The following FARSB variants were observed in gnomAD, a reference collection of about 807,000 sequenced individuals.
FARSB encodes the protein phenylalanine--tRNA ligase beta subunit.
Under a neutral mutation model 69.6 loss-of-function variants are expected in FARSB, and 40 were observed. The observed-to-expected ratio is 0.57, with a 90% CI of 0.45 to 0.75. The LOEUF is 0.75. FARSB is among the 30% of genes least tolerant of loss of function. The probability of loss-of-function intolerance (pLI) is 0.00; values close to 1 mark genes in which losing one functional copy is unlikely to be tolerated. For missense variants in FARSB, 632 were observed against 722.9 expected (o/e 0.87, Z 1.44); for synonymous variants, 235 against 247.2 (o/e 0.95, Z 0.46).
chr2:222,585,523 T>G (rs1335714596), intron 16 of FARSB, among the ~76,000 whole-genome samples: 1 of 152,210 alleles, frequency 6.6e-6, no homozygotes, highest in Non-Finnish European at 1.5e-5. Context: ...GAGAATGACT[T>G]TGACAAGTTG....
intron 16 of FARSB, among the ~76,000 whole-genome samples, chr2:222,587,074 G>A (rs560014187): frequency 4.6e-5 from 7 of 152,108 alleles, no homozygotes; most frequent in East Asian, 1.9e-4. Flanking sequence ...GCACCACATC[G>A]CACTTATTCC....
intron 16 of FARSB, among the ~76,000 whole-genome samples, chr2:222,573,814 T>G (rs1689771033): frequency 6.6e-6 from 1 of 152,184 alleles, no homozygotes; most frequent in Non-Finnish European, 1.5e-5. Context: ...TTTTATGAAC[T>G]TTTATCTTAT....
intron 16 of FARSB, among the ~76,000 whole-genome samples, chr2:222,590,698 CTTG>C (rs1181609248): frequency 6.6e-6 from 1 of 152,018 alleles, no homozygotes; most frequent in Non-Finnish European, 1.5e-5. Flanking sequence ...AGAGATGCAT[CTTG>C]TTGTATTTAC....
At chr2:222,634,122 G>A (rs1691513763) in intron 6 of FARSB, among the ~76,000 whole-genome samples, 1 of 152,166 alleles carries the variant, frequency 6.6e-6, no homozygotes, top group Non-Finnish European at 1.5e-5. Context: ...AGTTTCAATT[G>A]AAGATTACAA....
chr2:222,645,862 T>C (rs1281292837), intron 2 of FARSB, among the ~76,000 whole-genome samples: 2 of 152,068 alleles, frequency 1.3e-5, no homozygotes, highest in Non-Finnish European at 2.9e-5. Context: ...AAATACAGAA[T>C]GGCCAAAACT....
intron 15 of FARSB, among the ~76,000 whole-genome samples, chr2:222,601,742 C>G (rs1196806033): frequency 2.0e-5 from 3 of 152,172 alleles, no homozygotes; most frequent in Non-Finnish European, 4.4e-5. Context: ...AAGTGCACTG[C>G]AGCCTCAACT....
chr2:222,639,450 A>G, intron 5 of FARSB, 130 bp downstream of exon 5: 1 of 446,832 alleles, frequency 2.2e-6, no homozygotes, highest in South Asian at 6.4e-5. Context: ...GCAGAGGAAG[A>G]AAGGAAGGAG....
intron 15 of FARSB, among the ~76,000 whole-genome samples, chr2:222,605,161 T>TTCTCTCTCTCTCTCTC (rs71053093): frequency 0.045 from 5,919 of 132,524 alleles, 236 homozygotes; most frequent in Middle Eastern, 0.059. Flanking sequence ...AATACAAACT[T>TTCTCTCTCTCTCTCTC]TCTCTCTCTC....
intron 5 of FARSB, among the ~76,000 whole-genome samples, chr2:222,635,453 C>T (rs1159881120): frequency 6.6e-6 from 1 of 152,160 alleles, no homozygotes; most frequent in Non-Finnish European, 1.5e-5. Context: ...AAAAGAATTG[C>T]TAACAGGCAA....
rs1316465971 is a variant in FARSB at position 222,630,174 on chromosome 2, C to A, written c.787G>T (p.Ala263Ser). ...ACAATAATATCAAGAACTATTTTTG[C>A]CTGCAAAGAAAAGAAAAACAAATAT... Reference protein sequence around the residue: ...IECTGTDFTKAKIVLDIIVTM... With the variant: ...IECTGTDFTKSKIVLDIIVTM... Residue 263 changes from alanine to serine, a missense_variant and splice_region_variant, in exon 9 of 17, where the codon GCA becomes TCA. Physicochemically the swap from Ala to Ser is moderately conservative, Grantham distance 99. Coordinates refer to ENST00000281828, the MANE Select transcript of FARSB (RefSeq NM_005687.5). The A allele has an allele frequency of 1.3e-6, 2 of 1,499,496 alleles. No individual in the cohort carries two copies. Among genetic ancestry groups the A allele is most frequent in the African/African-American group, 2.9e-5 (2 of 69,478 alleles). The allele number at this position is 1,499,496 out of a possible 1,614,324, so 92.9% of individuals were successfully genotyped here.
At chr2:222,611,794 C>A (rs1468742862) in intron 15 of FARSB, among the ~76,000 whole-genome samples, 2 of 152,160 alleles carry the variant, frequency 1.3e-5, no homozygotes, top group Non-Finnish European at 2.9e-5. Context: ...CTACCCAGGA[C>A]TAAAATACTG....
intron 15 of FARSB, among the ~76,000 whole-genome samples, chr2:222,604,482 G>A (rs1690649645): frequency 6.6e-6 from 1 of 152,074 alleles, no homozygotes; most frequent in Non-Finnish European, 1.5e-5. Context: ...TATTCAAGGC[G>A]CTCTATTCTA....
intron 15 of FARSB, among the ~76,000 whole-genome samples, chr2:222,607,065 T>C (rs1469143698): frequency 2.0e-5 from 3 of 152,246 alleles, no homozygotes; most frequent in South Asian, 2.1e-4. Flanking sequence ...ATAATTTATA[T>C]TGCAAATTTT....
chr2:222,569,583 C>CT lies in FARSB; in HGVS notation c.*2287dup, dbSNP rs1156660364. On this transcript the variant is annotated 3_prime_UTR_variant, in exon 17 of 17. Transcript: ENST00000281828. ...GGTATAACCTACACCTGAAGTACACCTACCACCTCAATTAAGATAAAATTT... is the reference window on the plus strand; with the variant it reads ...GGTATAACCTACACCTGAAGTACACCTTACCACCTCAATTAAGATAAAATTT... The CT allele has an allele frequency of 6.6e-6, 1 of 152,152 alleles. No individual in the cohort carries two copies. Among genetic ancestry groups the CT allele is most frequent in the Non-Finnish European group, 1.5e-5 (1 of 68,046 alleles). 9.4% of individuals were successfully genotyped at this position (152,152 alleles called of 1,614,324 possible).
intron 14 of FARSB, among the ~76,000 whole-genome samples, chr2:222,616,450 G>A (rs762250693): frequency 8.0e-5 from 12 of 149,700 alleles, no homozygotes; most frequent in Non-Finnish European, 1.0e-4. Context: ...GGGAGGCTGA[G>A]GCAGGAGAAT....
Position 222,642,919 on chromosome 2 carries a change from G to A in FARSB, c.201C>T (p.Val67=), listed in dbSNP as rs369160564. The A allele has an allele frequency of 3.1e-6, 5 of 1,612,664 alleles. No homozygotes were observed. In the South Asian group the frequency reaches 4.4e-5, roughly 14 times the overall value. ...ACAGGAGATCATATCTATTGGCAGGGACGTCAATTTTGTAAAGAACAACAT... is the reference window on the plus strand; with the variant it reads ...ACAGGAGATCATATCTATTGGCAGGAACGTCAATTTTGTAAAGAACAACAT... ...ASDVVLYKID[V]PANRYDLLCL... Residue 67 remains valine (V), a synonymous_variant, in exon 3 of 17, where the codon GTC becomes GTT. Transcript: ENST00000281828.
intron 4 of FARSB, among the ~76,000 whole-genome samples, 162 bp downstream of exon 4, chr2:222,640,700 G>A (rs1203432000): frequency 6.6e-6 from 1 of 152,112 alleles, no homozygotes; most frequent in East Asian, 1.9e-4. Context: ...AGGTTGCAGT[G>A]AGCCAAGACT....
In FARSB at chr2:222,634,371, T is replaced by A. The variant is rs754498896; in HGVS notation, c.606+20A>T. On this transcript the variant is annotated intron_variant, in intron 6 of 16. Coordinates refer to ENST00000281828, the MANE Select transcript of FARSB (RefSeq NM_005687.5). ...TCATGATTTTTGCAAAGCTGCTGCA[T>A]AATCAAAAAGAATATTTACCTTGTA... 2.9e-5 allele frequency: 44 copies of A among 1,509,248 alleles called. No individual in the cohort carries two copies. Among genetic ancestry groups the A allele is most frequent in the Non-Finnish European group, 3.9e-5 (44 of 1,120,620 alleles). 93.5% of individuals were successfully genotyped at this position (1,509,248 alleles called of 1,614,324 possible). A position where few individuals can be genotyped will look rare whatever the true frequency, so the allele number is the denominator to read the frequency against.
At chr2:222,610,819 T>C (rs1690829215) in intron 15 of FARSB, among the ~76,000 whole-genome samples, 1 of 152,212 alleles carries the variant, frequency 6.6e-6, no homozygotes, top group African/African-American at 2.4e-5. Context: ...ATTCCCACTG[T>C]ACAGATGAGA....
Sources: gnomAD v4.1 joint callset for allele counts (sites outside exome capture counted in the v4.1 genomes callset) on GRCh38, gnomAD v4.1.1 for gene constraint, MANE v1.5 for transcripts, NCBI Gene and HGNC (gene_info 2026-07-23, HGNC 2026-07-21) for gene names.